The following TBC1D5 variants were observed in gnomAD, a reference collection of about 807,000 sequenced individuals.
The protein encoded by TBC1D5 is TBC1 domain family, member 5.
A neutral mutation model predicts 100.3 loss-of-function variants in TBC1D5; 75 were observed. The ratio of observed to expected loss-of-function variants is 0.75; its 90% CI spans 0.62 to 0.91. The LOEUF (loss-of-function observed/expected upper bound fraction) is 0.91, where lower values mean the gene tolerates loss of function less well. TBC1D5 is among the 40% of genes least tolerant of loss of function. TBC1D5 has a pLI of 0.00. For missense variants in TBC1D5, 910 were observed against 942.4 expected, an observed-to-expected ratio of 0.97 and a Z score of 0.45; for synonymous variants, 323 against 325.6, an observed-to-expected ratio of 0.99 and a Z score of 0.09.
intron 3 of TBC1D5, among the ~76,000 whole-genome samples, chr3:17,497,079 CTCT>C (rs1188806422): frequency 7.9e-6 from 1 of 125,854 alleles, no homozygotes; most frequent in East Asian, 2.2e-4. Context: ...TTCTTTCTCT[CTCT>C]CTCTGACACA....
intron 2 of TBC1D5, among the ~76,000 whole-genome samples, chr3:17,512,038 C>G (rs2153233815): frequency 6.6e-6 from 1 of 152,008 alleles, no homozygotes; most frequent in African/African-American, 2.4e-5. Flanking sequence ...ATATAAAGAG[C>G]TATTTTAGCT....
chr3:17,538,169 T>C (rs1369391818), intron 2 of TBC1D5, among the ~76,000 whole-genome samples: 2 of 151,978 alleles, frequency 1.3e-5, no homozygotes, highest in African/African-American at 4.8e-5. Context: ...CCCAGGACTG[T>C]CAGGCGACCA....
intron 16 of TBC1D5, among the ~76,000 whole-genome samples, chr3:17,241,082 A>C (rs1218959053): frequency 6.6e-6 from 1 of 152,014 alleles, no homozygotes; most frequent in Non-Finnish European, 1.5e-5. Context: ...TTTTTTTTCA[A>C]AACAACAATT....
chr3:17,459,959 T>C (rs138021270), intron 3 of TBC1D5, among the ~76,000 whole-genome samples: 1 of 152,202 alleles, frequency 6.6e-6, no homozygotes, highest in East Asian at 1.9e-4. Context: ...ATGACAGGAG[T>C]ATACTTACAC....
At chr3:17,714,244 T>C (rs999654274) in intron 1 of TBC1D5, among the ~76,000 whole-genome samples, 1 of 152,212 alleles carries the variant, frequency 6.6e-6, no homozygotes, top group Non-Finnish European at 1.5e-5. Flanking sequence ...CTTGAAAACA[T>C]GCCAAGTAGA....
At chr3:17,530,243 C>CAAAA (rs57879135) in intron 2 of TBC1D5, among the ~76,000 whole-genome samples, 11 of 59,924 alleles carry the variant, frequency 1.8e-4, no homozygotes, top group African/African-American at 5.2e-4. Flanking sequence ...GACTTCGTCT[C>CAAAA]AAAAAAAAAA....
At chr3:17,741,082 C>T (rs1383129945), upstream of TBC1D5, among the ~76,000 whole-genome samples, 4 of 152,194 alleles carry the variant, frequency 2.6e-5, no homozygotes, top group Non-Finnish European at 5.9e-5. Context: ...TTGATAAATA[C>T]AACACTTTAT....
rs764081226 is a variant in TBC1D5 at position 17,404,989 on chromosome 3, G to A, written c.277-28C>T. On this transcript the variant is annotated intron_variant, in intron 5 of 21. Coordinates refer to ENST00000253692, the Ensembl canonical transcript of TBC1D5. ...GTCAAGAAAAACAGAAGAAACTTTT[G>A]TAAAAATCTTAAGATATAAAATGTG... is the stretch of plus-strand genomic sequence containing the variant. 1.7e-5 allele frequency: 25 copies of A among 1,443,192 alleles called. No homozygotes were observed. In the South Asian group the frequency reaches 2.7e-4, roughly 15 times the overall value. The allele number at this position is 1,443,192 out of a possible 1,614,324, so 89.4% of individuals were successfully genotyped here.
chr3:17,201,663 A>ACAAT (rs1368082991), intron 18 of TBC1D5, among the ~76,000 whole-genome samples: 1 of 152,050 alleles, frequency 6.6e-6, no homozygotes, highest in Admixed American at 6.6e-5. Flanking sequence ...CCTTGCTGTT[A>ACAAT]TTGTGATGGG....
intron 3 of TBC1D5, among the ~76,000 whole-genome samples, chr3:17,430,652 C>T (rs1364258595): frequency 1.3e-5 from 2 of 151,822 alleles, no homozygotes; most frequent in Non-Finnish European, 3.0e-5. Context: ...GGGAAAAACG[C>T]TTTGTTCCCT....
intron 2 of TBC1D5, among the ~76,000 whole-genome samples, chr3:17,529,827 CG>C (rs1395071722): frequency 6.6e-6 from 1 of 151,812 alleles, no homozygotes; most frequent in East Asian, 1.9e-4. Context: ...GTGGGAAAAA[CG>C]TGAGATAAAA....
intron 1 of TBC1D5, among the ~76,000 whole-genome samples, chr3:17,737,805 C>T (rs1385176995): frequency 6.9e-6 from 1 of 144,504 alleles, no homozygotes; most frequent in Non-Finnish European, 1.5e-5. Context: ...TATTTCAAAA[C>T]TTTTAAGACT....
chr3:17,344,730 T>TGGAAC (rs1038803672), intron 13 of TBC1D5, among the ~76,000 whole-genome samples: 4 of 152,038 alleles, frequency 2.6e-5, no homozygotes, highest in African/African-American at 9.7e-5. Flanking sequence ...TATAGATCAA[T>TGGAAC]GGAACAGAAC....
intron 1 of TBC1D5, among the ~76,000 whole-genome samples, chr3:17,700,779 G>A (rs2073052831): frequency 6.6e-6 from 1 of 152,126 alleles, no homozygotes; most frequent in African/African-American, 2.4e-5. Context: ...ACCACAATGA[G>A]ATACCACCTC....
intron 19 of TBC1D5, among the ~76,000 whole-genome samples, chr3:17,168,513 C>G (rs62248247): frequency 0.024 from 3,645 of 152,238 alleles, 58 homozygotes; most frequent in Middle Eastern, 0.065. Context: ...GTTAAACACT[C>G]AGTGGTCCTT....
chr3:17,430,988 A>G (rs182162119), intron 3 of TBC1D5, among the ~76,000 whole-genome samples: 1 of 152,104 alleles, frequency 6.6e-6, no homozygotes, highest in Non-Finnish European at 1.5e-5. Context: ...CTGTAACACC[A>G]GAAAACAACT....
intron 17 of TBC1D5, among the ~76,000 whole-genome samples, chr3:17,234,051 A>C (rs1348357170): frequency 6.6e-6 from 1 of 152,158 alleles, no homozygotes; most frequent in Non-Finnish European, 1.5e-5. Context: ...GATGCTACAA[A>C]TATTAGTGTG....
intron 1 of TBC1D5, among the ~76,000 whole-genome samples, chr3:17,736,274 A>C (rs2076957941): frequency 6.6e-6 from 1 of 152,130 alleles, no homozygotes; most frequent in Admixed American, 6.6e-5. Flanking sequence ...AATAAAATTT[A>C]ATAAAATTAA....
chr3:17,380,624 A>T (rs1472530138), intron 9 of TBC1D5, among the ~76,000 whole-genome samples: 4 of 152,070 alleles, frequency 2.6e-5, no homozygotes, highest in Non-Finnish European at 5.9e-5. Flanking sequence ...TATCCCTGCT[A>T]GATTGTTAGT....
Sources: gnomAD v4.1 joint callset for allele counts (sites outside exome capture counted in the v4.1 genomes callset) on GRCh38, gnomAD v4.1.1 for gene constraint, MANE v1.5 for transcripts, NCBI Gene and HGNC (gene_info 2026-07-23, HGNC 2026-07-21) for gene names.